The following DIAPH2 variants were observed in gnomAD, a reference collection of about 807,000 sequenced individuals.
The protein encoded by DIAPH2 is diaphanous related formin 2, also known as protein diaphanous homolog 2.
In DIAPH2, 35 loss-of-function variants were observed where a neutral mutation model predicts 92.7. The observed-to-expected ratio is 0.38, with a 90% CI of 0.29 to 0.50. DIAPH2 has a LOEUF of 0.50. DIAPH2 is among the 20% of genes least tolerant of loss of function. DIAPH2 has a pLI of 0.94. For missense variants in DIAPH2, 701 were observed against 819.5 expected (o/e 0.86, Z 1.77); for synonymous variants, 301 against 280.4 (o/e 1.07, Z -0.73).
chrX:97,245,741 G>A (rs2068136089), intron 22 of DIAPH2, among the ~76,000 whole-genome samples: 1 of 111,457 alleles, frequency 9.0e-6, no homozygotes, highest in Admixed American at 9.6e-5. Flanking sequence ...CCTGTGCCCA[G>A]GAAAGATCAG....
chrX:96,930,659 A>C (rs2065613368), intron 9 of DIAPH2, 74 bp from the exon 10 acceptor site: 1 of 720,558 alleles, frequency 1.4e-6, no homozygotes, highest in Non-Finnish European at 2.1e-6. Context: ...GCCTTTAGTG[A>C]ATATATTATC....
At chrX:96,989,840 A>G (rs1024046182) in intron 17 of DIAPH2, among the ~76,000 whole-genome samples, 6 of 111,936 alleles carry the variant, frequency 5.4e-5, no homozygotes, top group Admixed American at 4.7e-4. Flanking sequence ...CACATTTTTA[A>G]TTAGTAAAGT....
At chrX:96,965,381 A>G (rs2065888022) in intron 17 of DIAPH2, among the ~76,000 whole-genome samples, 174 bp downstream of exon 17, 1 of 111,903 alleles carries the variant, frequency 8.9e-6, no homozygotes, top group Non-Finnish European at 1.9e-5. Context: ...AAGGAAATTT[A>G]TTTTACCTTT....
At chrX:97,360,263 G>A (rs2069310947) in intron 24 of DIAPH2, among the ~76,000 whole-genome samples, 1 of 111,032 alleles carries the variant, frequency 9.0e-6, no homozygotes, top group Non-Finnish European at 1.9e-5. Flanking sequence ...ATTGTCTTTG[G>A]TCTAGTAATA....
intron 1 of DIAPH2, among the ~76,000 whole-genome samples, chrX:96,711,930 T>A (rs1288575783): frequency 9.0e-6 from 1 of 111,616 alleles, no homozygotes; most frequent in African/African-American, 3.3e-5. Context: ...AAAATAAATT[T>A]AAAAACCCCT....
intron 5 of DIAPH2, among the ~76,000 whole-genome samples, chrX:96,905,808 A>T (rs182594217): frequency 8.9e-6 from 1 of 112,339 alleles, no homozygotes; most frequent in East Asian, 2.8e-4. Context: ...AATTAAGTAT[A>T]CACAAAATTG....
chrX:96,815,190 C>G (rs2064721995), intron 4 of DIAPH2, among the ~76,000 whole-genome samples: 1 of 111,917 alleles, frequency 8.9e-6, no homozygotes, highest in African/African-American at 3.2e-5. Context: ...TGGGCTCTGC[C>G]CAGTTTGAGC....
At chrX:96,783,429 G>A (rs777679957) in intron 4 of DIAPH2, among the ~76,000 whole-genome samples, 1 of 112,413 alleles carries the variant, frequency 8.9e-6, no homozygotes, top group African/African-American at 3.2e-5. Context: ...TGGTAACATC[G>A]ATGGCTTGTA....
chrX:97,226,491 A>G (rs1249745385), intron 22 of DIAPH2, among the ~76,000 whole-genome samples: 1 of 110,621 alleles, frequency 9.0e-6, no homozygotes, highest in East Asian at 2.8e-4. Context: ...CTCCTGCCTC[A>G]GCCTCCCGAG....
At chrX:97,069,799 TATA>T (rs2066657426) in intron 17 of DIAPH2, among the ~76,000 whole-genome samples, 1 of 112,346 alleles carries the variant, frequency 8.9e-6, no homozygotes, top group Admixed American at 9.4e-5. Flanking sequence ...TGCTACAAAT[TATA>T]ATAACTTGTC....
At chrX:97,079,265 A>G (rs1273477430) in intron 19 of DIAPH2, among the ~76,000 whole-genome samples, 1 of 111,157 alleles carries the variant, frequency 9.0e-6, no homozygotes, top group Non-Finnish European at 1.9e-5. Flanking sequence ...GTCATGGTCA[A>G]ATTGTGTGCT....
At position 96,786,439 on chromosome X, in the gene DIAPH2, A is replaced by G. The variant is rs73250736; in HGVS notation, c.447+28181A>G. Reference sequence around the variant, plus strand: ...GATTGTAAACACATTTTGCAACAGTATAAAAACTGATAACAAATATAATTT... The same window carrying G: ...GATTGTAAACACATTTTGCAACAGTGTAAAAACTGATAACAAATATAATTT... On this transcript the variant is annotated intron_variant, in intron 4 of 26. Transcript: ENST00000324765. Among the ~76,000 whole-genome samples the G allele has an allele frequency of 4.9e-3, 546 of 112,072 alleles. 1 individual carries two copies. Among genetic ancestry groups the G allele is most frequent in the Middle Eastern group, 0.028 (6 of 218 alleles).
At chrX:96,966,219 AT>A (rs1429872624) in intron 17 of DIAPH2, among the ~76,000 whole-genome samples, 1 of 111,759 alleles carries the variant, frequency 8.9e-6, no homozygotes, top group African/African-American at 3.2e-5. Flanking sequence ...GAATTTTGAC[AT>A]TTAAAAAAAG....
chrX:97,527,839 G>A (rs1443833954), intron 26 of DIAPH2, among the ~76,000 whole-genome samples: 1 of 111,685 alleles, frequency 9.0e-6, no homozygotes, highest in African/African-American at 3.3e-5. Context: ...CAAATGACAC[G>A]TGTTCTTTAT....
Position 97,271,235 on chromosome X carries a change from C to T in DIAPH2, c.2844+23396C>T, listed in dbSNP as rs779039056. On this transcript the variant is annotated intron_variant, in intron 23 of 26. Coordinates refer to ENST00000324765, the MANE Select transcript of DIAPH2 (RefSeq NM_006729.5). ...ACCACACCTAGCACAGGTTCTTTGGCAGAGTAAATGAGCAATAAATATTTT... is the reference window on the plus strand; with the variant it reads ...ACCACACCTAGCACAGGTTCTTTGGTAGAGTAAATGAGCAATAAATATTTT... 8.1e-5 allele frequency among the ~76,000 whole-genome samples: 9 copies of T among 111,243 alleles called. No homozygotes were observed. The South Asian group carries it at 3.4e-3, about 43-fold the overall frequency.
chrX:96,743,189 TC>T (rs2064130396), intron 3 of DIAPH2, among the ~76,000 whole-genome samples: 1 of 112,151 alleles, frequency 8.9e-6, no homozygotes, highest in South Asian at 3.7e-4. Context: ...AATTTTTTCT[TC>T]CATGGGAATT....
At chrX:96,709,945 TG>T (rs1442142644) in intron 1 of DIAPH2, among the ~76,000 whole-genome samples, 1 of 112,171 alleles carries the variant, frequency 8.9e-6, no homozygotes, top group Non-Finnish European at 1.9e-5. Context: ...TTATTGAATA[TG>T]GTAATTTTAT....
intron 1 of DIAPH2, among the ~76,000 whole-genome samples, chrX:96,714,319 C>T (rs1198891367): frequency 3.2e-5 from 3 of 94,248 alleles, no homozygotes; most frequent in Non-Finnish European, 6.3e-5. Flanking sequence ...GGCTGGAGTG[C>T]AGTGGTGTGA....
intron 22 of DIAPH2, among the ~76,000 whole-genome samples, chrX:97,203,757 T>G (rs764424146): frequency 9.0e-6 from 1 of 111,723 alleles, no homozygotes; most frequent in African/African-American, 3.2e-5. Flanking sequence ...GAGGAGCCGG[T>G]ACCATTCCTT....
Sources: gnomAD v4.1 joint callset for allele counts (sites outside exome capture counted in the v4.1 genomes callset) on GRCh38, gnomAD v4.1.1 for gene constraint, MANE v1.5 for transcripts, NCBI Gene and HGNC (gene_info 2026-07-23, HGNC 2026-07-21) for gene names.